The following PRRC1 variants were observed in gnomAD, a reference collection of about 807,000 sequenced individuals.
PRRC1 encodes protein PRRC1.
Under a neutral mutation model 40.7 loss-of-function variants are expected in PRRC1, and 39 were observed. The observed-to-expected ratio is 0.96, with a 90% CI of 0.74 to 1.25. The LOEUF (loss-of-function observed/expected upper bound fraction) is 1.25, where lower values mean the gene tolerates loss of function less well. Ranked by LOEUF, PRRC1 falls within the 50% of genes most tolerant of loss-of-function variation. PRRC1 has a pLI of 0.00. For synonymous variants in PRRC1, 175 were observed against 193.3 expected (o/e 0.91, Z 0.79); for missense variants, 573 against 548.3 (o/e 1.05, Z -0.45).
At chr5:127,547,730 GA>G in intron 7 of PRRC1, 88 bp from the exon 8 acceptor site, 2 of 828,754 alleles carry the variant, frequency 2.4e-6, no homozygotes, top group South Asian at 1.8e-5. Flanking sequence ...TGTTCTATCT[GA>G]ATAATAGTAC....
Position 127,551,997 on chromosome 5 carries a change from A to G in PRRC1, c.*81A>G. 1.3e-6 allele frequency: 2 copies of G among 1,576,168 alleles called. No individual in the cohort carries two copies. The highest frequency in any genetic ancestry group is 1.7e-6 in the Non-Finnish European group (2 of 1,159,936). On this transcript the variant is annotated 3_prime_UTR_variant, in exon 9 of 9. Coordinates refer to ENST00000296666, the MANE Select transcript of PRRC1 (RefSeq NM_130809.5). ...GAAGTGGTTGTACCTTCCTAAATCG[A>G]ATAGTCTAAATGAATCCAGTAGTTT...
intron 6 of PRRC1, among the ~76,000 whole-genome samples, chr5:127,536,331 A>G (rs1300558843): frequency 1.3e-5 from 2 of 152,094 alleles, no homozygotes; most frequent in African/African-American, 4.8e-5. Context: ...TAAAATAAGT[A>G]TGTATACATG....
At chr5:127,545,725 C>T (rs2127114544) in intron 7 of PRRC1, among the ~76,000 whole-genome samples, 1 of 151,488 alleles carries the variant, frequency 6.6e-6, no homozygotes, top group South Asian at 2.1e-4. Context: ...CACATGTATA[C>T]ATATGTAACT....
chr5:127,541,825 A>G (rs971635300), intron 7 of PRRC1, among the ~76,000 whole-genome samples: 16 of 151,956 alleles, frequency 1.1e-4, no homozygotes, highest in African/African-American at 3.6e-4. Context: ...CAAAAAAACC[A>G]GCTCCTGGAT....
In PRRC1 at chr5:127,526,253, G is replaced by A. The variant is rs184485952; in HGVS notation, c.494-365G>A. 5.7e-4 allele frequency among the ~76,000 whole-genome samples: 87 copies of A among 152,286 alleles called. 1 individual carries two copies. The East Asian group carries it at 0.015, about 26-fold the overall frequency. On this transcript the variant is annotated intron_variant, in intron 3 of 8. Transcript: ENST00000296666. ...TCTGAGTTAACATGAAGTATATAGA[G>A]TATGTGTAATAATTGTGTGCTTTTT...
Position 127,553,766 on chromosome 5 carries a change from CAT to C in PRRC1, c.*1852_*1853del. On this transcript the variant is annotated 3_prime_UTR_variant, in exon 9 of 9. Transcript: ENST00000296666. ...TTTTTGATGTTTTGAGAATTGTTCT[CAT>C]AGAATCACAAATACTGACATTTCAT... 1 of 1,533,286 alleles carries C rather than the reference CAT, an allele frequency of 6.5e-7. No homozygotes were observed. Among genetic ancestry groups the C allele is most frequent in the Non-Finnish European group, 8.7e-7 (1 of 1,145,568 alleles). 95.0% of individuals were successfully genotyped at this position (1,533,286 alleles called of 1,614,324 possible).
At position 127,554,031 on chromosome 5, in the gene PRRC1, T is replaced by C; in HGVS notation, c.*2115T>C. The stretch of plus-strand genomic sequence containing the variant: ...GCAGCGGAGCATGACTGACTTCACA[T>C]GCTCAGCTTTCTCAGCCTTTTGTTT... On this transcript the variant is annotated 3_prime_UTR_variant, in exon 9 of 9. Transcript: ENST00000296666. 1.1e-6 allele frequency: 1 copy of C among 869,754 alleles called. No homozygotes were observed. The highest frequency in any genetic ancestry group is 2.8e-5 in the East Asian group (1 of 35,370). 53.9% of individuals were successfully genotyped at this position (869,754 alleles called of 1,614,324 possible).
chr5:127,530,207 CT>C lies in PRRC1; in HGVS notation c.655-83del, dbSNP rs1270026820. 3.4e-6 allele frequency: 4 copies of C among 1,163,872 alleles called. No individual in the cohort carries two copies. The Admixed American group carries it at 8.2e-5, about 24-fold the overall frequency. The allele number at this position is 1,163,872 out of a possible 1,614,324, so 72.1% of individuals were successfully genotyped here. On this transcript the variant is annotated intron_variant, in intron 4 of 8. Coordinates refer to ENST00000296666, the MANE Select transcript of PRRC1 (RefSeq NM_130809.5). ...GTACTGGTTTAGGATGCATTGGAAA[CT>C]TTTAAAAAAGTTTTCTTCACAATCA...
At chr5:127,546,885 C>A (rs1768238129) in intron 7 of PRRC1, among the ~76,000 whole-genome samples, 1 of 151,984 alleles carries the variant, frequency 6.6e-6, no homozygotes, top group Non-Finnish European at 1.5e-5. Flanking sequence ...AAATAAATGT[C>A]ATTATTTAAT....
intron 7 of PRRC1, among the ~76,000 whole-genome samples, chr5:127,540,770 C>T (rs868285861): frequency 1.4e-4 from 21 of 152,012 alleles, no homozygotes; most frequent in Admixed American, 3.9e-4. Flanking sequence ...TCATGTCCTT[C>T]GCCCACTTTT....
chr5:127,520,536 G>A (rs569716960), intron 1 of PRRC1, among the ~76,000 whole-genome samples: 2 of 152,276 alleles, frequency 1.3e-5, no homozygotes, highest in Admixed American at 1.3e-4. Flanking sequence ...AGAACATTAT[G>A]TTGAATGAAA....
At chr5:127,525,277 C>CACTTAAATATTTTCACTTAAATATTTA (rs1561679727) in intron 3 of PRRC1, among the ~76,000 whole-genome samples, 5 of 151,960 alleles carry the variant, frequency 3.3e-5, no homozygotes, top group South Asian at 4.1e-4. Flanking sequence ...TGGCAACTTT[C>CACTTAAATATTTTCACTTAAATATTTA]ACTTAAATAT....
At chr5:127,531,804 G>A (rs907724049) in intron 5 of PRRC1, among the ~76,000 whole-genome samples, 3 of 151,410 alleles carry the variant, frequency 2.0e-5, no homozygotes, top group East Asian at 1.9e-4. Flanking sequence ...TGGTAGAGAC[G>A]GGGTTTCTCC....
chr5:127,533,513 A>T (rs1349447936), intron 5 of PRRC1, 110 bp from the exon 6 acceptor site: 4 of 928,050 alleles, frequency 4.3e-6, no homozygotes, highest in African/African-American at 1.7e-5. Context: ...GCATGGTTTT[A>T]TGAAACTGGT....
intron 6 of PRRC1, among the ~76,000 whole-genome samples, chr5:127,535,194 C>T (rs545748650): frequency 6.6e-6 from 1 of 152,248 alleles, no homozygotes; most frequent in African/African-American, 2.4e-5. Flanking sequence ...CACATACATG[C>T]ACATATTTTT....
intron 8 of PRRC1, chr5:127,549,173 C>T (rs2127118724): frequency 6.6e-6 from 1 of 151,602 alleles, no homozygotes; most frequent in African/African-American, 2.4e-5. Flanking sequence ...AAAAAAATCA[C>T]TGAGTACCAA....
At chr5:127,539,811 T>C (rs1767991575) in intron 7 of PRRC1, among the ~76,000 whole-genome samples, 1 of 152,138 alleles carries the variant, frequency 6.6e-6, no homozygotes, top group Admixed American at 6.6e-5. Context: ...CTTTGAGGCA[T>C]ATTATAGGCC....
chr5:127,527,651 T>C (rs1767655643), intron 4 of PRRC1, among the ~76,000 whole-genome samples: 1 of 150,324 alleles, frequency 6.7e-6, no homozygotes. Context: ...TCCCATGTAC[T>C]CAGAGGCTAA....
intron 1 of PRRC1, among the ~76,000 whole-genome samples, chr5:127,520,651 T>C (rs1767435049): frequency 6.6e-6 from 1 of 152,216 alleles, no homozygotes; most frequent in Admixed American, 6.5e-5. Context: ...GGGCTTATGG[T>C]TGACGGGAAG....
Sources: allele counts gnomAD v4.1 joint callset (sites outside exome capture counted in the v4.1 genomes callset), GRCh38; gene constraint gnomAD v4.1.1; transcripts MANE v1.5; gene names NCBI Gene and HGNC (gene_info 2026-07-23, HGNC 2026-07-21).